The following METTL8 variants were observed in gnomAD, a reference collection of about 807,000 sequenced individuals.
METTL8 encodes the protein tRNA N(3)-cytidine methyltransferase METTL8, mitochondrial.
A neutral mutation model predicts 48.7 loss-of-function variants in METTL8; 32 were observed. The ratio of observed to expected loss-of-function variants is 0.66; its 90% CI spans 0.50 to 0.88. The LOEUF (loss-of-function observed/expected upper bound fraction) is 0.88. METTL8 is among the 40% of genes least tolerant of loss of function. The pLI, the probability that METTL8 is intolerant of heterozygous loss-of-function variation, is 0.00. For missense variants in METTL8, 464 were observed against 474.4 expected (o/e 0.98, Z 0.20); for synonymous variants, 136 against 157.1 (o/e 0.87, Z 1.01).
At chr2:171,407,338 CG>C (rs1331421917) in intron 1 of METTL8, among the ~76,000 whole-genome samples, 4 of 149,254 alleles carry the variant, frequency 2.7e-5, no homozygotes, top group Admixed American at 2.7e-4. Context: ...ACTCTAAAAG[CG>C]GGGGGGAAAT....
intron 1 of METTL8, among the ~76,000 whole-genome samples, chr2:171,419,398 C>T (rs1036274768): frequency 6.6e-6 from 1 of 152,188 alleles, no homozygotes; most frequent in African/African-American, 2.4e-5. Context: ...TAATCTATTA[C>T]CACACAGATA....
chr2:171,331,718 C>G (rs748531834), intron 6 of METTL8, 86 bp downstream of exon 6: 1 of 1,087,284 alleles, frequency 9.2e-7, no homozygotes, highest in East Asian at 2.6e-5. Flanking sequence ...CGCCCTGCCT[C>G]TAGTGATCTT....
chr2:171,386,315 T>A (rs1018324987), intron 2 of METTL8, among the ~76,000 whole-genome samples: 2 of 152,220 alleles, frequency 1.3e-5, no homozygotes, highest in African/African-American at 4.8e-5. Context: ...TCTCATAGCC[T>A]GTGATAACTA....
intron 1 of METTL8, among the ~76,000 whole-genome samples, chr2:171,407,670 A>G (rs1293231632): frequency 8.5e-5 from 13 of 152,248 alleles, no homozygotes; most frequent in Non-Finnish European, 1.9e-4. Flanking sequence ...CACTGGACAC[A>G]TCTGCTAAAA....
At chr2:171,357,994 G>T (rs1001040563) in intron 3 of METTL8, among the ~76,000 whole-genome samples, 6 of 151,994 alleles carry the variant, frequency 3.9e-5, no homozygotes, top group African/African-American at 1.4e-4. Flanking sequence ...CTTGTGCCTG[G>T]CCCCTAAAGT....
intron 2 of METTL8, among the ~76,000 whole-genome samples, chr2:171,361,372 A>G (rs980195223): frequency 6.6e-6 from 1 of 152,062 alleles, no homozygotes; most frequent in Non-Finnish European, 1.5e-5. Context: ...AGTTGCATTT[A>G]GCCTAGAAGA....
intron 1 of METTL8, among the ~76,000 whole-genome samples, chr2:171,421,476 TAC>T (rs35524770): frequency 0.94 from 141,675 of 150,244 alleles, 66,894 homozygotes; most frequent in Middle Eastern, 0.97. Context: ...CACACATCCA[TAC>T]ACACACACAC....
At chr2:171,331,238 G>C (rs2105398242) in intron 6 of METTL8, among the ~76,000 whole-genome samples, 1 of 150,438 alleles carries the variant, frequency 6.6e-6, no homozygotes, top group African/African-American at 2.4e-5. Flanking sequence ...AGCCTCCCAA[G>C]TAGCTGGGAT....
At chr2:171,384,951 A>AC (rs1230982167) in intron 2 of METTL8, among the ~76,000 whole-genome samples, 54 of 152,312 alleles carry the variant, frequency 3.5e-4, no homozygotes, top group African/African-American at 1.3e-3. Flanking sequence ...TAGAAACTAA[A>AC]TAAAAAAGAG....
At chr2:171,359,868 G>A (rs1169771077) in intron 3 of METTL8, among the ~76,000 whole-genome samples, 2 of 152,122 alleles carry the variant, frequency 1.3e-5, no homozygotes, top group Non-Finnish European at 2.9e-5. Context: ...TGGGATTATA[G>A]GTGTGAGCCA....
At chr2:171,362,202 G>A (rs533425962) in intron 2 of METTL8, among the ~76,000 whole-genome samples, 1 of 152,180 alleles carries the variant, frequency 6.6e-6, no homozygotes, top group Non-Finnish European at 1.5e-5. Flanking sequence ...TGGAGGAAAA[G>A]CGACCAATTA....
At chr2:171,409,829 C>T (rs1000856235) in intron 1 of METTL8, among the ~76,000 whole-genome samples, 6 of 152,258 alleles carry the variant, frequency 3.9e-5, no homozygotes, top group Non-Finnish European at 8.8e-5. Flanking sequence ...AATGTTCTAG[C>T]TGTGCACCAA....
intron 1 of METTL8, among the ~76,000 whole-genome samples, chr2:171,411,342 A>T (rs1333475404): frequency 6.6e-6 from 1 of 152,240 alleles, no homozygotes; most frequent in African/African-American, 2.4e-5. Context: ...CACCAGAAAA[A>T]TACTACAGGG....
In METTL8 at chr2:171,392,319, T is replaced by G. The variant is rs573279687; in HGVS notation, c.-12-122A>C. On this transcript the variant is annotated intron_variant, in intron 1 of 9. Coordinates refer to ENST00000375258, the MANE Select transcript of METTL8 (RefSeq NM_001321154.2). ...AATGCACATGAAAACTAGAAACTTT[T>G]TAATGAAAGATGAGCATAACAGCTT... is the stretch of plus-strand genomic sequence containing the variant. 6.6e-4 allele frequency: 474 copies of G among 718,912 alleles called. 1 individual carries two copies. Among genetic ancestry groups the G allele is most frequent in the Non-Finnish European group, 9.1e-4 (418 of 458,420 alleles). 44.5% of individuals were successfully genotyped at this position (718,912 alleles called of 1,614,324 possible).
chr2:171,335,039 C>T (rs566043688), intron 5 of METTL8, among the ~76,000 whole-genome samples: 3 of 152,194 alleles, frequency 2.0e-5, no homozygotes, highest in Admixed American at 1.3e-4. Flanking sequence ...AGTGTATTTA[C>T]GTGTATTATA....
chr2:171,366,731 A>G lies in METTL8; in HGVS notation c.144-6218T>C, dbSNP rs538691599. ...AACCCATATACACTATCTGAAATAA[A>G]GAGTTGAGTAGGCTCAGGTGGGCAT... On this transcript the variant is annotated intron_variant, in intron 2 of 9. Transcript: ENST00000375258. 1.6e-4 allele frequency among the ~76,000 whole-genome samples: 24 copies of G among 152,172 alleles called. No homozygotes were observed. The East Asian group carries it at 4.0e-3, about 26-fold the overall frequency.
chr2:171,408,006 G>A (rs777375810), intron 1 of METTL8, among the ~76,000 whole-genome samples: 2 of 152,198 alleles, frequency 1.3e-5, no homozygotes, highest in South Asian at 2.1e-4. Context: ...TCTTTATAAT[G>A]AGAGTTGCAA....
intron 7 of METTL8, among the ~76,000 whole-genome samples, chr2:171,329,621 T>C (rs1685317587): frequency 6.6e-6 from 1 of 152,234 alleles, no homozygotes; most frequent in African/African-American, 2.4e-5. Flanking sequence ...TTATTTCAGA[T>C]TTATTTGGAA....
intron 2 of METTL8, among the ~76,000 whole-genome samples, chr2:171,387,692 T>A (rs1688211517): frequency 1.3e-5 from 2 of 152,132 alleles, no homozygotes; most frequent in Non-Finnish European, 1.5e-5. Flanking sequence ...ACTAAGTTTT[T>A]AAAATTTTAC....
Sources: gnomAD v4.1 joint callset for allele counts (sites outside exome capture counted in the v4.1 genomes callset) on GRCh38, gnomAD v4.1.1 for gene constraint, MANE v1.5 for transcripts, NCBI Gene and HGNC (gene_info 2026-07-23, HGNC 2026-07-21) for gene names.